ILRUN: variants seen among roughly 807,000 people sequenced by gnomAD.
The protein encoded by ILRUN is inflammation and lipid regulator with UBA-like and NBR1-like domains.
A neutral mutation model predicts 33.8 loss-of-function variants in ILRUN; 3 were observed. The ratio of observed to expected loss-of-function variants is 0.09; its 90% CI spans 0.04 to 0.23. The LOEUF is 0.23. Among genes scored for constraint, ILRUN ranks in the 10% least tolerant of loss-of-function variants. The pLI is 1.00. For synonymous variants in ILRUN, 124 were observed against 138.9 expected (o/e 0.89, Z 0.75); for missense variants, 210 against 375.1 (o/e 0.56, Z 3.64).
intron 1 of ILRUN, among the ~76,000 whole-genome samples, chr6:34,665,777 C>G (rs1762983126): frequency 6.6e-6 from 1 of 151,922 alleles, no homozygotes; most frequent in South Asian, 2.1e-4. Flanking sequence ...AATTATGAAC[C>G]AACATTCCAT....
intron 3 of ILRUN, among the ~76,000 whole-genome samples, chr6:34,636,693 T>TAAA (rs2127352636): frequency 6.6e-6 from 1 of 152,316 alleles, no homozygotes; most frequent in South Asian, 2.1e-4. Flanking sequence ...CTCTACACTG[T>TAAA]TTAAGATACC....
intron 3 of ILRUN, among the ~76,000 whole-genome samples, chr6:34,621,100 T>C (rs1762004532): frequency 6.6e-6 from 1 of 152,180 alleles, no homozygotes; most frequent in African/African-American, 2.4e-5. Context: ...ATATACAGAA[T>C]CTAAGAGTTT....
chr6:34,603,309 T>TC (rs1448179131), intron 4 of ILRUN, among the ~76,000 whole-genome samples: 1 of 151,978 alleles, frequency 6.6e-6, no homozygotes, highest in African/African-American at 2.4e-5. Flanking sequence ...GGTCAGGAGT[T>TC]CGAGACCAGC....
Position 34,606,757 on chromosome 6 carries a change from C to T in ILRUN, c.659G>A (p.Arg220Gln), listed in dbSNP as rs74903498. The T allele has an allele frequency of 1.9e-6, 3 of 1,614,078 alleles. No individual in the cohort carries two copies. Among genetic ancestry groups the T allele is most frequent in the South Asian group, 1.1e-5 (1 of 91,076 alleles). ...FNPFASPQKN[R>Q]QSDENNLKDP... ...TTTTAAGTTGTTTTCATCTGATTGTCGGTTCTTTTGGGGAGAGGCAAAAGG... is the reference window on the plus strand; with the variant it reads ...TTTTAAGTTGTTTTCATCTGATTGTTGGTTCTTTTGGGGAGAGGCAAAAGG... Residue 220 changes from arginine (R) to glutamine (Q), a missense_variant, in exon 4 of 5, where the codon CGA (arginine) becomes CAA (glutamine). Arg to Gln is a conservative substitution (Grantham distance 43). Transcript: ENST00000374023.
chr6:34,624,326 A>AT (rs1289007931), intron 3 of ILRUN, among the ~76,000 whole-genome samples: 7 of 151,286 alleles, frequency 4.6e-5, no homozygotes, highest in African/African-American at 1.5e-4. Flanking sequence ...TTATTTTTTT[A>AT]TTTTTTTATT....
chr6:34,615,416 T>C (rs1234871591), intron 3 of ILRUN, among the ~76,000 whole-genome samples: 1 of 151,252 alleles, frequency 6.6e-6, no homozygotes, highest in Non-Finnish European at 1.5e-5. Context: ...GCCAACATGG[T>C]GAAACCTTGT....
At chr6:34,608,342 C>T (rs919156980) in intron 3 of ILRUN, among the ~76,000 whole-genome samples, 37 of 151,716 alleles carry the variant, frequency 2.4e-4, no homozygotes, top group African/African-American at 7.5e-4. Context: ...GAGATTGTGC[C>T]ACTGCACTCT....
chr6:34,656,028 T>G (rs943738655), intron 1 of ILRUN, among the ~76,000 whole-genome samples: 3 of 150,372 alleles, frequency 2.0e-5, no homozygotes, highest in African/African-American at 7.4e-5. Context: ...GGGTCAGGAG[T>G]TCAAGATCAG....
At position 34,670,475 on chromosome 6, in the gene ILRUN, T is replaced by C. The variant is rs113199179; in HGVS notation, c.159-15696A>G. On this transcript the variant is annotated intron_variant, in intron 1 of 4. Coordinates refer to ENST00000374023, the MANE Select transcript of ILRUN (RefSeq NM_024294.4). ...GCAAATGTGGCAAAATGGTGATAACTAGTGAATCTATGGGAAGAGTATACA... is the reference window on the plus strand; with the variant it reads ...GCAAATGTGGCAAAATGGTGATAACCAGTGAATCTATGGGAAGAGTATACA... 2.0e-3 allele frequency among the ~76,000 whole-genome samples: 306 copies of C among 152,274 alleles called. 1 individual carries two copies. Among genetic ancestry groups the C allele is most frequent in the African/African-American group, 6.9e-3 (288 of 41,552 alleles).
chr6:34,607,006 A>T, intron 3 of ILRUN, 102 bp from the exon 4 acceptor site: 1 of 852,698 alleles, frequency 1.2e-6, no homozygotes, highest in Non-Finnish European at 1.8e-6. Context: ...ACAGAATGAA[A>T]CATTCTTCTA....
At chr6:34,655,781 C>T (rs772960024) in intron 1 of ILRUN, among the ~76,000 whole-genome samples, 1 of 152,032 alleles carries the variant, frequency 6.6e-6, no homozygotes, top group Non-Finnish European at 1.5e-5. Flanking sequence ...AAAAGTTGTA[C>T]GCTAATGGTC....
Position 34,588,403 on chromosome 6 carries a change from C to T in ILRUN, c.*2162G>A. Reference sequence around the variant, plus strand: ...TGGGCAGAAGAGGAAGTCAGGAAAGCAGGGGTTGTGAAGCCTCCCACAATC... The same window carrying T: ...TGGGCAGAAGAGGAAGTCAGGAAAGTAGGGGTTGTGAAGCCTCCCACAATC... On this transcript the variant is annotated 3_prime_UTR_variant, in exon 5 of 5. Coordinates refer to ENST00000374023, the MANE Select transcript of ILRUN (RefSeq NM_024294.4). 1 of 396,344 alleles carries T rather than the reference C, an allele frequency of 2.5e-6. No homozygotes were observed. Among genetic ancestry groups the T allele is most frequent in the Non-Finnish European group, 4.4e-6 (1 of 225,148 alleles). The allele number at this position is 396,344 out of a possible 1,614,324, so 24.6% of individuals were successfully genotyped here. A position where few individuals can be genotyped will look rare whatever the true frequency, so the allele number is the denominator to read the frequency against.
chr6:34,635,142 C>G (rs1016317059), intron 3 of ILRUN, among the ~76,000 whole-genome samples: 1 of 152,022 alleles, frequency 6.6e-6, no homozygotes, highest in South Asian at 2.1e-4. Context: ...GAAAATAAAA[C>G]GTAAAAATGA....
intron 3 of ILRUN, among the ~76,000 whole-genome samples, chr6:34,607,690 TG>T (rs1761663932): frequency 6.6e-6 from 1 of 152,182 alleles, no homozygotes. Flanking sequence ...CTAGGCTATA[TG>T]GTATAGCCTA....
At chr6:34,679,596 T>C (rs745570472) in intron 1 of ILRUN, among the ~76,000 whole-genome samples, 22 of 152,042 alleles carry the variant, frequency 1.4e-4, no homozygotes, top group Non-Finnish European at 2.8e-4. Flanking sequence ...ACTGGGAAAA[T>C]GGTTATATCA....
intron 3 of ILRUN, among the ~76,000 whole-genome samples, chr6:34,609,783 TAAG>T (rs1043259317): frequency 2.0e-5 from 3 of 152,276 alleles, no homozygotes; most frequent in South Asian, 4.1e-4. Context: ...CTTTCTCCTC[TAAG>T]AAGAGGAAAT....
chr6:34,593,156 G>A (rs1219477231), intron 4 of ILRUN, among the ~76,000 whole-genome samples: 8 of 152,258 alleles, frequency 5.3e-5, no homozygotes, highest in Admixed American at 2.6e-4. Context: ...TTCAGCCTGC[G>A]AGACAGAGTA....
At chr6:34,593,096 T>C (rs920365469) in intron 4 of ILRUN, among the ~76,000 whole-genome samples, 14 of 152,208 alleles carry the variant, frequency 9.2e-5, no homozygotes, top group African/African-American at 2.9e-4. Flanking sequence ...AGAGGATCAC[T>C]TGAGCCCAGG....
intron 3 of ILRUN, among the ~76,000 whole-genome samples, chr6:34,615,861 C>T (rs1761878851): frequency 6.6e-6 from 1 of 152,158 alleles, no homozygotes; most frequent in South Asian, 2.1e-4. Context: ...AGTCTTCAAA[C>T]TAGGGTTACA....
Sources: gnomAD v4.1 joint callset for allele counts (sites outside exome capture counted in the v4.1 genomes callset) on GRCh38, gnomAD v4.1.1 for gene constraint, MANE v1.5 for transcripts, NCBI Gene and HGNC (gene_info 2026-07-23, HGNC 2026-07-21) for gene names.